PCDH7: variants seen among roughly 807,000 people sequenced by gnomAD.
The protein encoded by PCDH7 is protocadherin 7, also known as protocadherin-7.
PCDH7 carries 17 observed loss-of-function variants against 58.9 expected under a neutral mutation model. The ratio of observed to expected loss-of-function variants is 0.29; its 90% CI spans 0.20 to 0.43. The LOEUF (loss-of-function observed/expected upper bound fraction) is 0.43. Ranked by LOEUF, PCDH7 falls within the 20% of genes least tolerant of loss-of-function variation. PCDH7 has a pLI of 1.00. For missense variants in PCDH7, 1,274 were observed against 1,441.0 expected, an observed-to-expected ratio of 0.88 and a Z score of 1.88; for synonymous variants, 664 against 616.4, an observed-to-expected ratio of 1.08 and a Z score of -1.14.
chr4:30,821,542 T>A (rs951171872), intron 1 of PCDH7, among the ~76,000 whole-genome samples: 4 of 152,232 alleles, frequency 2.6e-5, no homozygotes, highest in African/African-American at 9.6e-5. Context: ...CTCGTTCAGA[T>A]GCTGGGCATA....
At chr4:30,980,397 G>T (rs1191668826) in intron 3 of PCDH7, among the ~76,000 whole-genome samples, 1 of 151,520 alleles carries the variant, frequency 6.6e-6, no homozygotes, top group African/African-American at 2.4e-5. Flanking sequence ...TTTGTTTTTG[G>T]TTTTGTTTTT....
At chr4:30,730,894 G>A in exon 2 of PCDH7, 3 of 1,431,246 alleles carry the variant, frequency 2.1e-6, no homozygotes, top group Non-Finnish European at 9.2e-7. Context: ...GCCAATCACT[G>A]CTTGTTCCAC....
chr4:31,066,902 A>G (rs1758138686), intron 3 of PCDH7, among the ~76,000 whole-genome samples: 1 of 151,976 alleles, frequency 6.6e-6, no homozygotes, highest in African/African-American at 2.4e-5. Context: ...ACAATTTCTT[A>G]AAGAAAATTG....
intron 2 of PCDH7, among the ~76,000 whole-genome samples, chr4:30,942,668 A>G (rs1354015283): frequency 1.3e-5 from 2 of 152,122 alleles, no homozygotes; most frequent in African/African-American, 4.8e-5. Context: ...GGTATTGATT[A>G]GTAAACTTTA....
intron 3 of PCDH7, among the ~76,000 whole-genome samples, chr4:31,052,560 C>T (rs1316187187): frequency 6.6e-6 from 1 of 152,128 alleles, no homozygotes; most frequent in African/African-American, 2.4e-5. Context: ...ACCTAGTCTT[C>T]ACCCTCAAGA....
chr4:30,892,864 C>G (rs1440675805), intron 1 of PCDH7, among the ~76,000 whole-genome samples: 9 of 152,024 alleles, frequency 5.9e-5, no homozygotes, highest in Non-Finnish European at 1.3e-4. Context: ...TAGGGATACT[C>G]AACAGTTGTC....
At chr4:31,085,552 C>T (rs1490940596) in intron 3 of PCDH7, among the ~76,000 whole-genome samples, 1 of 150,786 alleles carries the variant, frequency 6.6e-6, no homozygotes, top group South Asian at 2.1e-4. Flanking sequence ...ACGAGGACAG[C>T]TTGGAGGTTA....
At chr4:30,883,745 G>T (rs1465006310) in intron 1 of PCDH7, among the ~76,000 whole-genome samples, 1 of 152,046 alleles carries the variant, frequency 6.6e-6, no homozygotes, top group African/African-American at 2.4e-5. Flanking sequence ...ATAATATGTT[G>T]AACACTGATG....
At chr4:31,071,662 C>T (rs1410474216) in intron 3 of PCDH7, among the ~76,000 whole-genome samples, 2 of 151,956 alleles carry the variant, frequency 1.3e-5, no homozygotes, top group Non-Finnish European at 2.9e-5. Flanking sequence ...GCATTTATCC[C>T]ACCCACCATA....
At chr4:30,928,255 G>A (rs115406260) in intron 2 of PCDH7, among the ~76,000 whole-genome samples, 1,547 of 152,282 alleles carry the variant, frequency 0.01, 11 homozygotes, top group Middle Eastern at 0.024. Context: ...GAGGTTAGAC[G>A]ACCTATTGAG....
In PCDH7 at chr4:30,723,649, A is replaced by G. The variant is rs771852402; in HGVS notation, c.2227A>G (p.Thr743Ala). 1.2e-6 allele frequency: 2 copies of G among 1,614,112 alleles called. No individual in the cohort carries two copies. The highest frequency in any genetic ancestry group is 3.3e-5 in the Admixed American group (2 of 60,018). ...TGAAAATGACAATGCTCCCACAGTTACCCTTCCCAAAAACATTTCCTACAC... is the reference window on the plus strand; with the variant it reads ...TGAAAATGACAATGCTCCCACAGTTGCCCTTCCCAAAAACATTTCCTACAC... The change falls in exon 1 of 2, where the codon ACC (threonine) becomes GCC (alanine). Residue 743 changes from threonine (T) to alanine (A), a missense_variant. Thr to Ala is a moderately conservative substitution (Grantham distance 58). This residue lies in a region of PCDH7 where 731 missense variants were observed against 881.9 expected (regional missense o/e 0.83). Transcript: ENST00000361762. The surrounding 1 kb of genome is among the most constrained non-coding windows in gnomAD (Gnocchi z 4.6).
chr4:31,121,729 T>C (rs1578854682), intron 3 of PCDH7, among the ~76,000 whole-genome samples: 1 of 152,124 alleles, frequency 6.6e-6, no homozygotes, highest in East Asian at 1.9e-4. Flanking sequence ...CTCATAAAAA[T>C]TTATTTGTTT....
chr4:31,075,699 T>C (rs1043682446), intron 3 of PCDH7, among the ~76,000 whole-genome samples: 1 of 152,178 alleles, frequency 6.6e-6, no homozygotes, highest in Non-Finnish European at 1.5e-5. Flanking sequence ...CTATCTGATA[T>C]GGGCCCTGTT....
intron 3 of PCDH7, among the ~76,000 whole-genome samples, chr4:31,088,535 C>T (rs910842952): frequency 1.3e-5 from 2 of 151,924 alleles, no homozygotes; most frequent in African/African-American, 4.8e-5. Flanking sequence ...TCCTAGGCCT[C>T]GTGAAGGCAA....
intron 3 of PCDH7, among the ~76,000 whole-genome samples, chr4:31,056,458 G>GAAAGAAGAAAGAAAGAAAGAAAGA (rs376643176): frequency 1.2e-5 from 1 of 83,156 alleles, no homozygotes; most frequent in Non-Finnish European, 2.2e-5. Flanking sequence ...AAGAAAGAAA[G>GAAAGAAGAAAGAAAGAAAGAAAGA]AAGAAAGAAA....
chr4:30,748,465 A>G (rs1336968557), intron 1 of PCDH7, among the ~76,000 whole-genome samples: 1 of 152,190 alleles, frequency 6.6e-6, no homozygotes, highest in Non-Finnish European at 1.5e-5. Flanking sequence ...AAGGCAACAC[A>G]TCGTGAGTGA....
chr4:31,108,631 G>A (rs544587036), intron 3 of PCDH7, among the ~76,000 whole-genome samples: 18 of 152,222 alleles, frequency 1.2e-4, no homozygotes, highest in African/African-American at 4.3e-4. Context: ...CTATTTTTAT[G>A]GGGGAGAAAA....
rs1313467045 is a variant in PCDH7, at chr4:30,720,715, C to T, written c.-708C>T. 1 of 152,496 alleles carries T rather than the reference C, an allele frequency of 6.6e-6. No homozygotes were observed. Among genetic ancestry groups the T allele is most frequent in the Non-Finnish European group, 1.5e-5 (1 of 68,286 alleles). The allele number at this position is 152,496 out of a possible 1,614,324, so 9.4% of individuals were successfully genotyped here. On this transcript the variant is annotated 5_prime_UTR_variant, in exon 1 of 2. Transcript: ENST00000361762. This position sits in a 1 kb window ranked among gnomAD's most constrained non-coding sequence, Gnocchi z 4.7. Reference sequence around the variant, plus strand: ...CGAGTAGTCTCCCCTGCACCGTGCCCGAAGCGACGTGCCGGGGGATTTTTC... The same window carrying T: ...CGAGTAGTCTCCCCTGCACCGTGCCTGAAGCGACGTGCCGGGGGATTTTTC...
At chr4:30,895,422 T>C (rs994140296) in intron 1 of PCDH7, among the ~76,000 whole-genome samples, 3 of 152,116 alleles carry the variant, frequency 2.0e-5, no homozygotes, top group Admixed American at 2.0e-4. Flanking sequence ...TTCTGAGCAG[T>C]GTGGCTATAG....
Sources: allele counts gnomAD v4.1 joint callset (sites outside exome capture counted in the v4.1 genomes callset), GRCh38; gene constraint gnomAD v4.1.1; regional missense constraint gnomAD v4.1.1; non-coding constraint Gnocchi (gnomAD v3.1); transcripts MANE v1.5; gene names NCBI Gene and HGNC (gene_info 2026-07-23, HGNC 2026-07-21).